The following PMP2 variants were observed in gnomAD, a reference collection of about 807,000 sequenced individuals.
PMP2 encodes myelin P2 protein.
PMP2 carries 11 observed loss-of-function variants against 15.9 expected under a neutral mutation model. That is an observed-to-expected ratio of 0.69 (90% CI 0.44 to 1.14). The LOEUF is 1.14. Ranked by LOEUF, PMP2 falls within the 50% of genes most tolerant of loss-of-function variation. The pLI is 0.00. For synonymous variants in PMP2, 55 were observed against 54.1 expected (o/e 1.02, Z -0.07); for missense variants, 151 against 154.0 (o/e 0.98, Z 0.10).
At chr8:81,446,391 T>C (rs1414486610) in intron 1 of PMP2, among the ~76,000 whole-genome samples, 1 of 152,210 alleles carries the variant, frequency 6.6e-6, no homozygotes, top group Non-Finnish European at 1.5e-5. Context: ...CAGTATGAAT[T>C]GATCCCCATA....
intron 1 of PMP2, among the ~76,000 whole-genome samples, chr8:81,445,727 G>A (rs1386094410): frequency 1.3e-5 from 2 of 152,038 alleles, no homozygotes; most frequent in Non-Finnish European, 2.9e-5. Context: ...ATTGTTCTAT[G>A]ATATTTTCCC....
intron 3 of PMP2, 149 bp downstream of exon 3, chr8:81,444,351 T>C: frequency 1.8e-6 from 1 of 555,526 alleles, no homozygotes; most frequent in Non-Finnish European, 3.1e-6. Flanking sequence ...TCTGTAATAG[T>C]TTAAATATCA....
rs181155237 is a variant in PMP2, at chr8:81,442,818, T to A, written c.*580A>T. 12 of 152,084 alleles carry A rather than the reference T, an allele frequency of 7.9e-5. No homozygotes were observed. Among genetic ancestry groups the A allele is most frequent in the Admixed American group, 5.2e-4 (8 of 15,290 alleles). The allele number at this position is 152,084 out of a possible 1,614,324, so 9.4% of individuals were successfully genotyped here. On this transcript the variant is annotated 3_prime_UTR_variant, in exon 4 of 4. Coordinates refer to ENST00000256103, the MANE Select transcript of PMP2 (RefSeq NM_002677.5). ...GAGTTATATTTAACTCACATTTACC[T>A]GTCTATAAATTATCTGTCTATAAAT...
chr8:81,447,372 G>A lies in PMP2; in HGVS notation c.15C>T (p.Phe5=). MSNK[F]LGTWKLVSSE... is the part of the protein sequence containing the mutation. ...TAGAGACAAGTTTCCAGGTGCCCAG[G>A]AATTTGTTGCTCATCGTGATGGGTG... Residue 5 remains phenylalanine, a synonymous_variant, in exon 1 of 4, where the codon TTC becomes TTT. Coordinates refer to ENST00000256103, the MANE Select transcript of PMP2 (RefSeq NM_002677.5). The A allele has an allele frequency of 6.2e-7, 1 of 1,613,740 alleles. No individual in the cohort carries two copies.
At position 81,441,469 on chromosome 8, in the gene PMP2, A is replaced by G. The variant is rs1338820656; in HGVS notation, c.*1929T>C. 3 of 152,088 alleles carry G rather than the reference A, an allele frequency of 2.0e-5. No individual in the cohort carries two copies. The highest frequency in any genetic ancestry group is 4.8e-5 in the African/African-American group (2 of 41,432). 9.4% of individuals were successfully genotyped at this position (152,088 alleles called of 1,614,324 possible). ...CAATTCCAGAACTCCTTCCACTCAC[A>G]TTTAACACTGGTCCATGACGTTCTA... On this transcript the variant is annotated 3_prime_UTR_variant, in exon 4 of 4. Transcript: ENST00000256103.
In PMP2 at chr8:81,442,732, G is replaced by C. The variant is rs375676735; in HGVS notation, c.*666C>G. ...GTGGAACAGAAAAGGACACTGATTG[G>C]GAAGGGACAGAAAAAAATGTACTAG... is the stretch of plus-strand genomic sequence containing the variant. On this transcript the variant is annotated 3_prime_UTR_variant, in exon 4 of 4. Transcript: ENST00000256103. 3.3e-5 allele frequency: 5 copies of C among 152,062 alleles called. No individual in the cohort carries two copies. The highest frequency in any genetic ancestry group is 1.5e-5 in the Non-Finnish European group (1 of 67,914). 9.4% of individuals were successfully genotyped at this position (152,062 alleles called of 1,614,324 possible). A position where few individuals can be genotyped will look rare whatever the true frequency, so the allele number is the denominator to read the frequency against.
intron 1 of PMP2, among the ~76,000 whole-genome samples, chr8:81,445,905 A>C (rs1377388620): frequency 6.6e-6 from 1 of 152,124 alleles, no homozygotes; most frequent in African/African-American, 2.4e-5. Context: ...ATATTTTTTA[A>C]AAAACTCTTC....
At position 81,443,118 on chromosome 8, in the gene PMP2, G is replaced by A. The variant is rs80014196; in HGVS notation, c.*280C>T. Reference sequence around the variant, plus strand: ...TTTATTATCATTTCAAGTATACAAAGTTCAACATAGATTAGAATTTTGTAG... The same window carrying A: ...TTTATTATCATTTCAAGTATACAAAATTCAACATAGATTAGAATTTTGTAG... On this transcript the variant is annotated 3_prime_UTR_variant, in exon 4 of 4. Coordinates refer to ENST00000256103, the MANE Select transcript of PMP2 (RefSeq NM_002677.5). The A allele has an allele frequency of 5.2e-3, 1,484 of 287,408 alleles. 27 individuals are homozygous for A. The highest frequency in any genetic ancestry group is 0.029 in the African/African-American group (1,342 of 45,534). 17.8% of individuals were successfully genotyped at this position (287,408 alleles called of 1,614,324 possible).
intron 3 of PMP2, among the ~76,000 whole-genome samples, 171 bp from the exon 4 acceptor site, chr8:81,443,619 A>T (rs764035476): frequency 6.6e-6 from 1 of 152,190 alleles, no homozygotes; most frequent in Non-Finnish European, 1.5e-5. Context: ...AATAGAAGAA[A>T]CAATTTAAAA....
rs759659641 is a variant in PMP2 at position 81,447,406 on chromosome 8, A to G, written c.-20T>C. On this transcript the variant is annotated 5_prime_UTR_variant, in exon 1 of 4. Transcript: ENST00000256103. ...GCTCATCGTGATGGGTGAGAGCTCA[A>G]CACAGTTCTAAGTGGGATTCAGAAG... 5 of 1,599,944 alleles carry G rather than the reference A, an allele frequency of 3.1e-6. No homozygotes were observed. The South Asian group carries it at 3.3e-5, about 11-fold the overall frequency.
At position 81,447,294 on chromosome 8, in the gene PMP2, C is replaced by G. The variant is rs181205557; in HGVS notation, c.73+20G>C. On this transcript the variant is annotated intron_variant, in intron 1 of 3. Coordinates refer to ENST00000256103, the MANE Select transcript of PMP2 (RefSeq NM_002677.5). The stretch of plus-strand genomic sequence containing the variant: ...CTTAAAAAGGAGCTTTTCAGCAGAA[C>G]AACAAAAAGCATTTCTTACCCAGAG... 4.1e-4 allele frequency: 650 copies of G among 1,591,466 alleles called. 4 individuals carry two copies. The East Asian group carries it at 0.014, about 34-fold the overall frequency.
chr8:81,447,180 G>C (rs1297054730), intron 1 of PMP2, 134 bp downstream of exon 1: 4 of 610,718 alleles, frequency 6.5e-6, no homozygotes, highest in African/African-American at 1.8e-5. Context: ...CACAACAAAA[G>C]ATTAATCCTA....
intron 3 of PMP2, 93 bp from the exon 4 acceptor site, chr8:81,443,541 A>AG (rs1291947183): frequency 6.9e-6 from 5 of 727,834 alleles, no homozygotes; most frequent in Non-Finnish European, 1.1e-5. Context: ...TAAACTCATA[A>AG]GATTAATTTA....
intron 1 of PMP2, among the ~76,000 whole-genome samples, chr8:81,445,909 A>G (rs1807441098): frequency 6.6e-6 from 1 of 151,920 alleles, no homozygotes; most frequent in African/African-American, 2.4e-5. Flanking sequence ...TTTTTAAAAA[A>G]CTCTTCTACA....
Position 81,444,577 on chromosome 8 carries a change from A to G in PMP2, c.271T>C (p.Ser91Pro). The change falls in exon 3 of 4, where the codon TCA (serine) becomes CCA (proline). Residue 91 changes from serine (S) to proline (P), a missense_variant. Coordinates refer to ENST00000256103, the MANE Select transcript of PMP2 (RefSeq NM_002677.5). Reference protein sequence around the residue: ...TKSIVTLQRGSLNQVQRWDGK... With the variant: ...TKSIVTLQRGPLNQVQRWDGK... ...TCCCATCTCTGCACTTGATTCAGTG[A>G]TCCTCTCTGCAGGGTTACGATGCTC... The G allele has an allele frequency of 6.2e-7, 1 of 1,613,860 alleles. No homozygotes were observed. Among genetic ancestry groups the G allele is most frequent in the East Asian group, 2.2e-5 (1 of 44,874 alleles).
At chr8:81,446,374 G>A (rs986761710) in intron 1 of PMP2, among the ~76,000 whole-genome samples, 3 of 152,072 alleles carry the variant, frequency 2.0e-5, no homozygotes, top group East Asian at 1.9e-4. Flanking sequence ...AAATCTAACC[G>A]ATCTCACAGT....
rs775960512 is a variant in PMP2 at position 81,442,016 on chromosome 8, G to C, written c.*1382C>G. 4 of 152,002 alleles carry C rather than the reference G, an allele frequency of 2.6e-5. No individual in the cohort carries two copies. Among genetic ancestry groups the C allele is most frequent in the African/African-American group, 4.8e-5 (2 of 41,412 alleles). The allele number at this position is 152,002 out of a possible 1,614,324, so 9.4% of individuals were successfully genotyped here. A position where few individuals can be genotyped will look rare whatever the true frequency, so the allele number is the denominator to read the frequency against. On this transcript the variant is annotated 3_prime_UTR_variant, in exon 4 of 4. Transcript: ENST00000256103. ...TGGCAGATAGGATTAGTAAATATAT[G>C]CATGTGTATACACACACGCACATAA... is the stretch of plus-strand genomic sequence containing the variant.
chr8:81,441,354 C>G lies in PMP2; in HGVS notation c.*2044G>C. On this transcript the variant is annotated 3_prime_UTR_variant, in exon 4 of 4. Coordinates refer to ENST00000256103, the MANE Select transcript of PMP2 (RefSeq NM_002677.5). ...CAGACTAATACCCTAATATCCTGCT[C>G]CTAAGCGAAATTTCCCCCTAGCTTT... 1 of 152,124 alleles carries G rather than the reference C, an allele frequency of 6.6e-6. No individual in the cohort carries two copies. Among genetic ancestry groups the G allele is most frequent in the East Asian group, 1.9e-4 (1 of 5,200 alleles). 9.4% of individuals were successfully genotyped at this position (152,124 alleles called of 1,614,324 possible).
chr8:81,447,375 T>C lies in PMP2; in HGVS notation c.12A>G (p.Lys4=). 2 of 1,613,700 alleles carry C rather than the reference T, an allele frequency of 1.2e-6. No homozygotes were observed. The highest frequency in any genetic ancestry group is 1.7e-5 in the Admixed American group (1 of 60,006). ...AGACAAGTTTCCAGGTGCCCAGGAATTTGTTGCTCATCGTGATGGGTGAGA... is the reference window on the plus strand; with the variant it reads ...AGACAAGTTTCCAGGTGCCCAGGAACTTGTTGCTCATCGTGATGGGTGAGA... MSN[K]FLGTWKLVSS... is the part of the protein sequence containing the mutation. Residue 4 remains lysine (K), a synonymous_variant, in exon 1 of 4, where the codon AAA becomes AAG. Transcript: ENST00000256103.
Sources: gnomAD v4.1 joint callset for allele counts (sites outside exome capture counted in the v4.1 genomes callset) on GRCh38, gnomAD v4.1.1 for gene constraint, MANE v1.5 for transcripts, NCBI Gene and HGNC (gene_info 2026-07-23, HGNC 2026-07-21) for gene names.